EXOC6B: variants seen among roughly 807,000 people sequenced by gnomAD.
EXOC6B encodes exocyst complex component 6B.
EXOC6B carries 54 observed loss-of-function variants against 113.5 expected under a neutral mutation model. That is an observed-to-expected ratio of 0.48 (90% CI 0.38 to 0.60). The LOEUF (loss-of-function observed/expected upper bound fraction) is 0.60, where lower values mean the gene tolerates loss of function less well. EXOC6B is among the 20% of genes least tolerant of loss of function. The pLI, the probability that EXOC6B is intolerant of heterozygous loss-of-function variation, is 0.00. For missense variants in EXOC6B, 797 were observed against 977.5 expected (o/e 0.82, Z 2.46); for synonymous variants, 357 against 339.0 (o/e 1.05, Z -0.58).
At chr2:72,762,993 T>G (rs1180589378) in intron 1 of EXOC6B, among the ~76,000 whole-genome samples, 1 of 152,112 alleles carries the variant, frequency 6.6e-6, no homozygotes, top group East Asian at 1.9e-4. Flanking sequence ...AAGTTAAAGA[T>G]GCATACTGTA....
chr2:72,347,088 T>C (rs1467186970), intron 19 of EXOC6B, among the ~76,000 whole-genome samples: 1 of 152,172 alleles, frequency 6.6e-6, no homozygotes, highest in Non-Finnish European at 1.5e-5. Context: ...ACATATAAAA[T>C]ATTCTTTTCA....
At chr2:72,531,773 C>T (rs1018479463) in intron 8 of EXOC6B, among the ~76,000 whole-genome samples, 7 of 152,090 alleles carry the variant, frequency 4.6e-5, no homozygotes, top group Non-Finnish European at 1.5e-5. Context: ...ATCACGAGGT[C>T]AGGAGTTCAA....
At chr2:72,640,078 C>T (rs1013545234) in intron 6 of EXOC6B, among the ~76,000 whole-genome samples, 3 of 151,968 alleles carry the variant, frequency 2.0e-5, no homozygotes, top group Admixed American at 6.6e-5. Flanking sequence ...CATTGAGCTA[C>T]AGGAGTATGT....
At position 72,622,196 on chromosome 2, in the gene EXOC6B, T is replaced by C. The variant is rs140602625; in HGVS notation, c.670-46528A>G. Among the ~76,000 whole-genome samples the C allele has an allele frequency of 1.5e-3, 228 of 150,978 alleles. 1 individual carries two copies. The highest frequency in any genetic ancestry group is 4.9e-3 in the African/African-American group (201 of 41,294). ...CACATGAAGTTTATATAAGTTTATA[T>C]CTTATAAATAACATTTTAAAAAACT... On this transcript the variant is annotated intron_variant, in intron 6 of 21. Coordinates refer to ENST00000272427, the MANE Select transcript of EXOC6B (RefSeq NM_015189.3).
intron 1 of EXOC6B, among the ~76,000 whole-genome samples, chr2:72,763,490 C>T (rs370455110): frequency 7.3e-5 from 11 of 150,922 alleles, no homozygotes; most frequent in Non-Finnish European, 1.3e-4. Flanking sequence ...TGCACTGGTA[C>T]GATCTTGGCT....
chr2:72,538,897 T>C (rs1171902504), intron 8 of EXOC6B, among the ~76,000 whole-genome samples: 2 of 152,188 alleles, frequency 1.3e-5, no homozygotes, highest in African/African-American at 2.4e-5. Context: ...ACTGTAGTTC[T>C]CAAGTTGTAG....
intron 6 of EXOC6B, among the ~76,000 whole-genome samples, chr2:72,646,268 C>A (rs1673704368): frequency 6.6e-6 from 1 of 151,582 alleles, no homozygotes; most frequent in African/African-American, 2.4e-5. Context: ...CTGAATAGAC[C>A]AATAACAGGC....
chr2:72,522,563 G>A (rs1701549799), intron 8 of EXOC6B, among the ~76,000 whole-genome samples: 1 of 152,082 alleles, frequency 6.6e-6, no homozygotes, highest in Non-Finnish European at 1.5e-5. Flanking sequence ...AGCCATTCAT[G>A]ATCTCATAAT....
intron 18 of EXOC6B, among the ~76,000 whole-genome samples, chr2:72,409,244 C>T (rs1404693348): frequency 1.3e-5 from 2 of 152,116 alleles, no homozygotes; most frequent in African/African-American, 2.4e-5. Context: ...TGTGGAGATA[C>T]AGGAACACTT....
intron 8 of EXOC6B, among the ~76,000 whole-genome samples, chr2:72,530,496 G>A (rs1238582217): frequency 2.6e-5 from 4 of 152,198 alleles, no homozygotes; most frequent in South Asian, 4.1e-4. Context: ...CTGTTTGGCC[G>A]GGATATGCTC....
chr2:72,270,922 T>C (rs985667677), intron 20 of EXOC6B, among the ~76,000 whole-genome samples: 3 of 152,190 alleles, frequency 2.0e-5, no homozygotes, highest in Non-Finnish European at 2.9e-5. Context: ...CTTGCTGAAA[T>C]TTAAATCTCT....
chr2:72,794,047 T>C (rs962947872), intron 1 of EXOC6B, among the ~76,000 whole-genome samples: 1 of 152,138 alleles, frequency 6.6e-6, no homozygotes, highest in Non-Finnish European at 1.5e-5. Context: ...AATACAAATT[T>C]ATAAACAACT....
chr2:72,732,501 C>T (rs950166125), intron 3 of EXOC6B, among the ~76,000 whole-genome samples: 1 of 152,168 alleles, frequency 6.6e-6, no homozygotes, highest in Non-Finnish European at 1.5e-5. Flanking sequence ...TGTTGAGCAT[C>T]CACACTGTGC....
chr2:72,456,091 G>C (rs1423592253), intron 18 of EXOC6B, among the ~76,000 whole-genome samples: 1 of 151,948 alleles, frequency 6.6e-6, no homozygotes, highest in Non-Finnish European at 1.5e-5. Context: ...CATAGAGGTT[G>C]CCCTTTTGAA....
intron 20 of EXOC6B, among the ~76,000 whole-genome samples, chr2:72,198,269 T>G (rs1387305124): frequency 6.6e-6 from 1 of 152,180 alleles, no homozygotes; most frequent in Non-Finnish European, 1.5e-5. Flanking sequence ...AACTCTTGCC[T>G]CCAAGGAAAA....
chr2:72,308,590 C>G (rs1338238839), intron 20 of EXOC6B, among the ~76,000 whole-genome samples: 1 of 152,132 alleles, frequency 6.6e-6, no homozygotes, highest in Non-Finnish European at 1.5e-5. Flanking sequence ...ACATAAAGTG[C>G]TTAGGAGAGT....
intron 6 of EXOC6B, among the ~76,000 whole-genome samples, chr2:72,677,547 T>G (rs949637428): frequency 1.3e-5 from 2 of 152,168 alleles, no homozygotes; most frequent in Admixed American, 6.5e-5. Flanking sequence ...TAATTCTGTT[T>G]CATCTGGATC....
chr2:72,802,737 TC>T (rs1019614530), intron 1 of EXOC6B, among the ~76,000 whole-genome samples: 1 of 152,214 alleles, frequency 6.6e-6, no homozygotes, highest in African/African-American at 2.4e-5. Flanking sequence ...CTACTTCCTT[TC>T]ATGCTAGATG....
At chr2:72,389,143 T>C (rs1188501036) in intron 18 of EXOC6B, among the ~76,000 whole-genome samples, 1 of 152,038 alleles carries the variant, frequency 6.6e-6, no homozygotes, top group African/African-American at 2.4e-5. Context: ...TTTTTCCTAT[T>C]TCCTGTCTGC....
Sources: allele counts gnomAD v4.1 joint callset (sites outside exome capture counted in the v4.1 genomes callset), GRCh38; gene constraint gnomAD v4.1.1; transcripts MANE v1.5; gene names NCBI Gene and HGNC (gene_info 2026-07-23, HGNC 2026-07-21).